The following CMSS1 variants were observed in gnomAD, a reference collection of about 807,000 sequenced individuals.
The protein encoded by CMSS1 is cms1 ribosomal small subunit homolog.
Under a neutral mutation model 43.5 loss-of-function variants are expected in CMSS1, and 33 were observed. The ratio of observed to expected loss-of-function variants is 0.76; its 90% CI spans 0.57 to 1.01. The LOEUF (loss-of-function observed/expected upper bound fraction) is 1.01. Ranked by LOEUF, CMSS1 falls within the 50% of genes least tolerant of loss-of-function variation. The pLI is 0.00. For synonymous variants in CMSS1, 115 were observed against 117.2 expected (o/e 0.98, Z 0.12); for missense variants, 313 against 326.4 (o/e 0.96, Z 0.32).
chr3:99,929,284 T>C (rs950937187), intron 1 of CMSS1, among the ~76,000 whole-genome samples: 1 of 152,168 alleles, frequency 6.6e-6, no homozygotes, highest in Non-Finnish European at 1.5e-5. Flanking sequence ...CTAGGTACGC[T>C]TGGTGAGGGA....
intron 1 of CMSS1, among the ~76,000 whole-genome samples, chr3:99,826,856 A>G (rs1942546004): frequency 6.6e-6 from 1 of 152,198 alleles, no homozygotes; most frequent in South Asian, 2.1e-4. Flanking sequence ...GGTTTTTAAC[A>G]TTTTTGTTAC....
At chr3:100,156,823 G>C (rs534365736) in intron 2 of CMSS1, among the ~76,000 whole-genome samples, 48 of 151,348 alleles carry the variant, frequency 3.2e-4, no homozygotes, top group African/African-American at 1.1e-3. Flanking sequence ...CACCATGTTA[G>C]CCAGAATGGT....
chr3:99,856,526 A>G lies in CMSS1; in HGVS notation c.64+38483A>G, dbSNP rs183486143. On this transcript the variant is annotated intron_variant, in intron 1 of 9. Transcript: ENST00000421999. ...TGTGGAAGCTGGTTTTATGGACACA[A>G]AAGTGAGGTAATTAAATCCAAACTG... is the stretch of plus-strand genomic sequence containing the variant. 7.1e-3 allele frequency among the ~76,000 whole-genome samples: 1,078 copies of G among 152,332 alleles called. 17 individuals carry two copies. The highest frequency in any genetic ancestry group is 0.025 in the African/African-American group (1,041 of 41,574).
Position 100,044,365 on chromosome 3 carries a change from A to T in CMSS1, c.65-102608A>T, listed in dbSNP as rs541412809. Among the ~76,000 whole-genome samples, 536 of 152,278 alleles carry T rather than the reference A, an allele frequency of 3.5e-3. 5 individuals carry two copies. The highest frequency in any genetic ancestry group is 0.012 in the African/African-American group (489 of 41,514). ...TATTTACATCATAGTATAAAGAAGT[A>T]ACACAGGGGTAATCTGTCAAGGGGG... On this transcript the variant is annotated intron_variant, in intron 1 of 9. Coordinates refer to ENST00000421999, the MANE Select transcript of CMSS1 (RefSeq NM_032359.4).
chr3:100,057,171 G>A (rs943331653), intron 1 of CMSS1, among the ~76,000 whole-genome samples: 1 of 152,154 alleles, frequency 6.6e-6, no homozygotes, highest in African/African-American at 2.4e-5. Context: ...TATAATCTTT[G>A]CCTGCCACGT....
Position 99,964,950 on chromosome 3 carries a change from T to C in CMSS1, c.64+146907T>C, listed in dbSNP as rs200264437. On this transcript the variant is annotated intron_variant, in intron 1 of 9. Coordinates refer to ENST00000421999, the MANE Select transcript of CMSS1 (RefSeq NM_032359.4). The stretch of plus-strand genomic sequence containing the variant: ...GCTTTAAGACTCTGTATAAAAATTG[T>C]TCTTCAAACCAAAAAGAAACATGAT... Among the ~76,000 whole-genome samples, 9 of 152,326 alleles carry C rather than the reference T, an allele frequency of 5.9e-5. 1 individual carries two copies. The East Asian group carries it at 1.7e-3, about 29-fold the overall frequency.
intron 1 of CMSS1, among the ~76,000 whole-genome samples, chr3:99,957,701 T>TTTTG: frequency 8.6e-6 from 1 of 116,448 alleles, no homozygotes; most frequent in Non-Finnish European, 1.7e-5. Flanking sequence ...TTCTTTTTTT[T>TTTTG]TTTTTTTTTT....
intron 1 of CMSS1, among the ~76,000 whole-genome samples, chr3:99,985,519 C>T (rs1709312832): frequency 6.6e-6 from 1 of 151,988 alleles, no homozygotes; most frequent in African/African-American, 2.4e-5. Flanking sequence ...GTGAGCTTGC[C>T]AATTCATACT....
At chr3:99,961,339 T>C (rs1419395619) in intron 1 of CMSS1, among the ~76,000 whole-genome samples, 1 of 152,206 alleles carries the variant, frequency 6.6e-6, no homozygotes, top group Non-Finnish European at 1.5e-5. Flanking sequence ...ACCCCAATAC[T>C]CCATGGGGTG....
intron 1 of CMSS1, among the ~76,000 whole-genome samples, chr3:99,991,203 T>C (rs1284128771): frequency 6.6e-6 from 1 of 152,216 alleles, no homozygotes; most frequent in East Asian, 1.9e-4. Flanking sequence ...ATAAGCAGCC[T>C]ATTCTTCTTT....
chr3:100,043,371 G>A (rs1303214152), intron 1 of CMSS1, among the ~76,000 whole-genome samples: 1 of 152,072 alleles, frequency 6.6e-6, no homozygotes, highest in Non-Finnish European at 1.5e-5. Flanking sequence ...TTAAATATTT[G>A]TTTCCTTCGT....
intron 1 of CMSS1, among the ~76,000 whole-genome samples, chr3:99,862,100 G>T (rs1332855471): frequency 6.6e-6 from 1 of 152,158 alleles, no homozygotes; most frequent in African/African-American, 2.4e-5. Context: ...ACAAAAAAAT[G>T]ATAAGTATGT....
rs190077347 is a variant in CMSS1 at position 100,101,769 on chromosome 3, G to A, written c.65-45204G>A. On this transcript the variant is annotated intron_variant, in intron 1 of 9. Coordinates refer to ENST00000421999, the MANE Select transcript of CMSS1 (RefSeq NM_032359.4). ...GTATCTCCTAATGCTATCCCTCCCC[G>A]CTCCCCTCACCCCACAACAGGCCCC... Among the ~76,000 whole-genome samples, 13 of 151,666 alleles carry A rather than the reference G, an allele frequency of 8.6e-5. No individual in the cohort carries two copies. In the South Asian group the frequency reaches 1.7e-3, roughly 19 times the overall value.
chr3:100,087,298 ATT>A (rs1559752965), intron 1 of CMSS1, among the ~76,000 whole-genome samples: 1 of 152,190 alleles, frequency 6.6e-6, no homozygotes, highest in Non-Finnish European at 1.5e-5. Context: ...TGATTGTACT[ATT>A]TTGTGTTCCC....
chr3:99,895,382 T>C (rs946411965), intron 1 of CMSS1, among the ~76,000 whole-genome samples: 1 of 151,822 alleles, frequency 6.6e-6, no homozygotes, highest in Admixed American at 6.6e-5. Flanking sequence ...CAGGACTTTT[T>C]TTTTTTTTTT....
At chr3:99,870,511 A>T (rs1944734695) in intron 1 of CMSS1, among the ~76,000 whole-genome samples, 1 of 152,190 alleles carries the variant, frequency 6.6e-6, no homozygotes, top group African/African-American at 2.4e-5. Flanking sequence ...GTTGTCCAAG[A>T]GCTGCTAGTG....
At chr3:100,055,579 A>C (rs1489557854) in intron 1 of CMSS1, among the ~76,000 whole-genome samples, 1 of 152,232 alleles carries the variant, frequency 6.6e-6, no homozygotes, top group South Asian at 2.1e-4. Flanking sequence ...AAAGATGCAA[A>C]GATAAAAATA....
chr3:100,054,869 G>A (rs766426842), intron 1 of CMSS1, among the ~76,000 whole-genome samples: 3 of 152,182 alleles, frequency 2.0e-5, no homozygotes, highest in Non-Finnish European at 4.4e-5. Context: ...ATGTTCAGAA[G>A]TATGAGGTCA....
At chr3:99,895,377 CT>C (rs35156845) in intron 1 of CMSS1, among the ~76,000 whole-genome samples, 4,434 of 128,034 alleles carry the variant, frequency 0.035, 155 homozygotes, top group African/African-American at 0.096. Flanking sequence ...GTCAGCAGGA[CT>C]TTTTTTTTTT....
Sources: allele counts gnomAD v4.1 joint callset (sites outside exome capture counted in the v4.1 genomes callset), GRCh38; gene constraint gnomAD v4.1.1; transcripts MANE v1.5; gene names NCBI Gene and HGNC (gene_info 2026-07-23, HGNC 2026-07-21).